Variants in ANO8 observed in about 807,000 individuals in gnomAD.
The protein encoded by ANO8 is anoctamin-8.
Under a neutral mutation model 120.4 loss-of-function variants are expected in ANO8, and 67 were observed. That is an observed-to-expected ratio of 0.56 (90% CI 0.46 to 0.68). ANO8 has a LOEUF of 0.68. Ranked by LOEUF, ANO8 falls within the 30% of genes least tolerant of loss-of-function variation. ANO8 has a pLI of 0.00. For synonymous variants in ANO8, 727 were observed against 759.2 expected, an observed-to-expected ratio of 0.96 and a Z score of 0.70; for missense variants, 1,526 against 1,737.6, an observed-to-expected ratio of 0.88 and a Z score of 2.16.
At position 17,331,228 on chromosome 19, in the gene ANO8, A is replaced by G. The variant is rs1453630285; in HGVS notation, c.704-13T>C. 2 of 1,614,062 alleles carry G rather than the reference A, an allele frequency of 1.2e-6. No individual in the cohort carries two copies. The highest frequency in any genetic ancestry group is 2.7e-5 in the African/African-American group (2 of 74,920). On this transcript the variant is annotated splice_polypyrimidine_tract_variant and intron_variant, in intron 6 of 17. Coordinates refer to ENST00000159087, the MANE Select transcript of ANO8 (RefSeq NM_020959.3). ...TCACAGATGTCATCTGCCAGGGGACAAGTGGGTCTCAGTCACCCCCTGCCT... is the reference window on the plus strand; with the variant it reads ...TCACAGATGTCATCTGCCAGGGGACGAGTGGGTCTCAGTCACCCCCTGCCT...
chr19:17,330,730 CAA>C, intron 8 of ANO8, 96 bp downstream of exon 8: 1 of 1,496,360 alleles, frequency 6.7e-7, no homozygotes, highest in Non-Finnish European at 9.0e-7. Context: ...TTTGATGAAA[CAA>C]TCCTGTTTCA....
Position 17,330,224 on chromosome 19 carries a change from G to C in ANO8, c.1174C>G (p.Pro392Ala). The C allele has an allele frequency of 6.2e-7, 1 of 1,614,024 alleles. No homozygotes were observed. Among genetic ancestry groups the C allele is most frequent in the Non-Finnish European group, 8.5e-7 (1 of 1,180,018 alleles). The part of the protein sequence containing the change: ...QELVLSVKGL[P>A]RLARFLPKVM... ...TTAGGCAGGAATCGGGCGAGACGGG[G>C]CAACCCCTTCACGCTCAGCACCAGC... Residue 392 changes from proline (P) to alanine (A), a missense_variant, in exon 10 of 18, where the codon CCC becomes GCC. Transcript: ENST00000159087.
At position 17,328,866 on chromosome 19, in the gene ANO8, G is replaced by A; in HGVS notation, c.1522C>T (p.Leu508=). ...AGGAGGCCAAGCAGGGCTCGGGCCA[G>A]CTCCCAGACGGCCCGCAGGCCCAGC... ...GELGLRAVWE[L]ARALLGLLSL... Residue 508 remains leucine (L), a synonymous_variant, in exon 13 of 18, where the codon CTG becomes TTG. Transcript: ENST00000159087. 1 of 1,498,444 alleles carries A rather than the reference G, an allele frequency of 6.7e-7. No homozygotes were observed. The highest frequency in any genetic ancestry group is 8.9e-7 in the Non-Finnish European group (1 of 1,129,060). 92.8% of individuals were successfully genotyped at this position (1,498,444 alleles called of 1,614,324 possible).
At position 17,323,794 on chromosome 19, in the gene ANO8, G is replaced by C. The variant is rs1178102263; in HGVS notation, c.3422C>G (p.Pro1141Arg). 6.1e-6 allele frequency: 7 copies of C among 1,156,518 alleles called. No individual in the cohort carries two copies. The Admixed American group carries it at 3.3e-4, about 55-fold the overall frequency. The allele number at this position is 1,156,518 out of a possible 1,614,324, so 71.6% of individuals were successfully genotyped here. Residue 1141 changes from proline to arginine, a missense_variant, in exon 18 of 18, where the codon CCC (proline) becomes CGC (arginine). Coordinates refer to ENST00000159087, the MANE Select transcript of ANO8 (RefSeq NM_020959.3). ...APPPPMPLPR[P>R]PTPPAGCWQW... ...CCAGCAGCCTGCGGGCGGTGTCGGG[G>C]GCCGGGGCAGCGGCATTGGCGGCGG...
chr19:17,328,561 G>A lies in ANO8; in HGVS notation c.1827C>T (p.Asp609=). The change falls in exon 13 of 18, where the codon GAC becomes GAT. Residue 609 remains aspartate, a synonymous_variant. Coordinates refer to ENST00000159087, the MANE Select transcript of ANO8 (RefSeq NM_020959.3). The part of the protein sequence containing the change: ...EEEGEEGGLL[D]CGLRLKKVSF... ...TGACCTTCTTCAGCCGGAGCCCGCAGTCCAGGAGGCCCCCTTCCTCGCCCT... is the reference window on the plus strand; with the variant it reads ...TGACCTTCTTCAGCCGGAGCCCGCAATCCAGGAGGCCCCCTTCCTCGCCCT... 6.5e-7 allele frequency: 1 copy of A among 1,547,998 alleles called. No individual in the cohort carries two copies. The highest frequency in any genetic ancestry group is 8.7e-7 in the Non-Finnish European group (1 of 1,146,924).
intron 1 of ANO8, 128 bp downstream of exon 1, chr19:17,334,437 G>C: frequency 2.3e-6 from 2 of 868,562 alleles, no homozygotes; most frequent in Non-Finnish European, 3.4e-6. Context: ...CCGCAGTGCC[G>C]GGAGGAGCCG....
chr19:17,329,089 C>G, intron 12 of ANO8, 106 bp from the exon 13 acceptor site: 1 of 894,180 alleles, frequency 1.1e-6, no homozygotes, highest in Non-Finnish European at 1.6e-6. Context: ...CGTGCCCAGA[C>G]ACACGCCGAA....
chr19:17,333,160 A>G lies in ANO8; in HGVS notation c.430T>C (p.Cys144Arg). The change falls in exon 4 of 18, where the codon TGC (cysteine) becomes CGC (arginine). Residue 144 changes from cysteine to arginine, a missense_variant. Physicochemically the swap from Cys to Arg is radical, Grantham distance 180 (BLOSUM62 -3). Around this residue, in one of 8 missense-constraint regions of ANO8, gnomAD observed 322 missense variants for 431.8 expected, o/e 0.75. Coordinates refer to ENST00000159087, the MANE Select transcript of ANO8 (RefSeq NM_020959.3). This position sits in a 1 kb window ranked among gnomAD's most constrained non-coding sequence, Gnocchi z 7.2. ...EFGGGTRGFS[C>R]EEDFIYENVE... ...TTCTCATAGATAAAGTCCTCCTCGC[A>G]GGAGAAGCCGCGGGTGCCCCCGCCA... is the stretch of plus-strand genomic sequence containing the variant. 1 of 1,611,804 alleles carries G rather than the reference A, an allele frequency of 6.2e-7. No homozygotes were observed. The highest frequency in any genetic ancestry group is 8.5e-7 in the Non-Finnish European group (1 of 1,179,078).
intron 13 of ANO8, 57 bp downstream of exon 13, chr19:17,328,105 G>A (rs1191230541): frequency 3.4e-6 from 5 of 1,465,166 alleles, no homozygotes; most frequent in Admixed American, 2.5e-5. Flanking sequence ...ACCCTCGGAC[G>A]GTGTGTCCCG....
In ANO8 at chr19:17,324,997, G is replaced by A. The variant is rs540938848; in HGVS notation, c.3051C>T (p.Ser1017=). ...TGAGGAAGGCAGGCAGGCGGGTGTCGCTGCCTGTGGGTGACTGGGCAGGGG... is the reference window on the plus strand; with the variant it reads ...TGAGGAAGGCAGGCAGGCGGGTGTCACTGCCTGTGGGTGACTGGGCAGGGG... ...RPPPAQSPTG[S]DTRLPAFLSF... The change falls in exon 17 of 18, where the codon AGC becomes AGT. Residue 1017 remains serine, a synonymous_variant. Coordinates refer to ENST00000159087, the MANE Select transcript of ANO8 (RefSeq NM_020959.3). 59 of 1,612,742 alleles carry A rather than the reference G, an allele frequency of 3.7e-5. No homozygotes were observed. The East Asian group carries it at 6.9e-4, about 19-fold the overall frequency.
At position 17,328,784 on chromosome 19, in the gene ANO8, C is replaced by A; in HGVS notation, c.1604G>T (p.Gly535Val). The change falls in exon 13 of 18, where the codon GGC (glycine) becomes GTC (valine). Residue 535 changes from glycine to valine, a missense_variant. Coordinates refer to ENST00000159087, the MANE Select transcript of ANO8 (RefSeq NM_020959.3). ...GCGGCCCCCGCCCCCGCTGCCGCCG[C>A]CCCCGCCCTCATCCGCCTGGGGTTC... ...RLEPQADEGGGGGSGGGGRRC... is the reference protein window; with the variant it reads ...RLEPQADEGGVGGSGGGGRRC... 1 of 1,360,250 alleles carries A rather than the reference C, an allele frequency of 7.4e-7. No homozygotes were observed. 84.3% of individuals were successfully genotyped at this position (1,360,250 alleles called of 1,614,324 possible). A position where few individuals can be genotyped will look rare whatever the true frequency, so the allele number is the denominator to read the frequency against.
At position 17,328,536 on chromosome 19, in the gene ANO8, T is replaced by C. The variant is rs1331139170; in HGVS notation, c.1852A>G (p.Ser618Gly). The change falls in exon 13 of 18, where the codon AGC (serine) becomes GGC (glycine). Residue 618 changes from serine (S) to glycine (G), a missense_variant. Around this residue, in one of 8 missense-constraint regions of ANO8, gnomAD observed 467 missense variants for 425.8 expected, o/e 1.10. Coordinates refer to ENST00000159087, the MANE Select transcript of ANO8 (RefSeq NM_020959.3). Reference sequence around the variant, plus strand: ...CGCCCCGCGCCGCGCTCAGCGAAGCTGACCTTCTTCAGCCGGAGCCCGCAG... The same window carrying C: ...CGCCCCGCGCCGCGCTCAGCGAAGCCGACCTTCTTCAGCCGGAGCCCGCAG... ...LDCGLRLKKV[S>G]FAERGAGRRR... 1.3e-6 allele frequency: 2 copies of C among 1,549,814 alleles called. No homozygotes were observed. The highest frequency in any genetic ancestry group is 1.7e-6 in the Non-Finnish European group (2 of 1,148,218).
chr19:17,325,532 TG>T, intron 16 of ANO8, 146 bp from the exon 17 acceptor site: 1 of 1,223,040 alleles, frequency 8.2e-7, no homozygotes, highest in South Asian at 1.6e-5. Flanking sequence ...GCACCCACAA[TG>T]GGGGCTCCCT....
At position 17,324,999 on chromosome 19, in the gene ANO8, T is replaced by G; in HGVS notation, c.3049A>C (p.Ser1017Arg). 2.5e-6 allele frequency: 4 copies of G among 1,612,942 alleles called. No individual in the cohort carries two copies. The highest frequency in any genetic ancestry group is 3.4e-6 in the Non-Finnish European group (4 of 1,179,882). Residue 1017 changes from serine (S) to arginine (R), a missense_variant, in exon 17 of 18, where the codon AGC becomes CGC. This residue lies in a region of ANO8 where 489 missense variants were observed against 548.6 expected (regional missense o/e 0.89). Coordinates refer to ENST00000159087, the MANE Select transcript of ANO8 (RefSeq NM_020959.3). Reference protein sequence around the residue: ...RPPPAQSPTGSDTRLPAFLSF... With the variant: ...RPPPAQSPTGRDTRLPAFLSF... ...AGGAAGGCAGGCAGGCGGGTGTCGC[T>G]GCCTGTGGGTGACTGGGCAGGGGGA...
chr19:17,324,543 G>A (rs937855780), intron 17 of ANO8, among the ~76,000 whole-genome samples, 174 bp downstream of exon 17: 9 of 152,176 alleles, frequency 5.9e-5, no homozygotes, highest in African/African-American at 2.2e-4. Context: ...AAAGGCCCTG[G>A]AGATACTAAG....
intron 5 of ANO8, among the ~76,000 whole-genome samples, 193 bp from the exon 6 acceptor site, chr19:17,331,604 G>A (rs1033516982): frequency 7.2e-5 from 11 of 152,098 alleles, no homozygotes; most frequent in Non-Finnish European, 1.5e-4. Flanking sequence ...GGGCAGGCGG[G>A]GAGAATGTAA....
chr19:17,332,046 T>C (rs917970189), intron 5 of ANO8, among the ~76,000 whole-genome samples: 1 of 148,220 alleles, frequency 6.7e-6, no homozygotes, highest in Non-Finnish European at 1.5e-5. Context: ...GCGATTCTCC[T>C]GCCTCAGCCT....
At chr19:17,332,714 G>A (rs565375064) in intron 5 of ANO8, among the ~76,000 whole-genome samples, 2 of 152,266 alleles carry the variant, frequency 1.3e-5, no homozygotes, top group African/African-American at 2.4e-5. Context: ...CTGACCTCCT[G>A]TCCTGATAAG....
Position 17,327,693 on chromosome 19 carries a change from C to T in ANO8, c.2414G>A (p.Trp805Ter). The T allele has an allele frequency of 6.2e-7, 1 of 1,612,678 alleles. No homozygotes were observed. The change falls in exon 14 of 18, where the codon TGG becomes TAG. Residue 805 changes from tryptophan to a stop codon, truncating the protein, a stop_gained. Coordinates refer to ENST00000159087, the MANE Select transcript of ANO8 (RefSeq NM_020959.3). LOFTEE classifies it high-confidence loss of function. ...FGQRVESIGQ[W>*]QKVMEAMGVL... ...GATCTCTTGGCTTCCCCCCACCTGC[C>T]ACTGGCCGATGCTTTCCACGCGCTG...
Sources: gnomAD v4.1 joint callset for allele counts (sites outside exome capture counted in the v4.1 genomes callset) on GRCh38, gnomAD v4.1.1 for gene constraint, gnomAD v4.1.1 regional missense constraint, Gnocchi (gnomAD v3.1) non-coding constraint, MANE v1.5 for transcripts, NCBI Gene and HGNC (gene_info 2026-07-23, HGNC 2026-07-21) for gene names.